Variants in RUNDC3B observed in about 807,000 individuals in gnomAD.
The protein encoded by RUNDC3B is RUN domain containing 3B, also known as RUN domain-containing protein 3B.
In RUNDC3B, 33 loss-of-function variants were observed where a neutral mutation model predicts 58.4. The observed-to-expected ratio is 0.56, with a 90% CI of 0.43 to 0.75. The LOEUF (loss-of-function observed/expected upper bound fraction) is 0.75, where lower values mean the gene tolerates loss of function less well. Ranked by LOEUF, RUNDC3B falls within the 30% of genes least tolerant of loss-of-function variation. The pLI is 0.00. For synonymous variants in RUNDC3B, 193 were observed against 195.2 expected, an observed-to-expected ratio of 0.99 and a Z score of 0.10; for missense variants, 501 against 535.7, an observed-to-expected ratio of 0.94 and a Z score of 0.64.
At chr7:87,675,788 C>G (rs1485255439) in intron 2 of RUNDC3B, among the ~76,000 whole-genome samples, 1 of 151,524 alleles carries the variant, frequency 6.6e-6, no homozygotes, top group Non-Finnish European at 1.5e-5. Context: ...AACATAAGAC[C>G]TGAAACTGTA....
At chr7:87,658,323 A>C (rs940584243) in intron 2 of RUNDC3B, among the ~76,000 whole-genome samples, 2 of 152,194 alleles carry the variant, frequency 1.3e-5, no homozygotes, top group Non-Finnish European at 2.9e-5. Context: ...ACTGAAAGAC[A>C]AAACAATAGA....
chr7:87,808,702 G>T (rs1406356009), intron 9 of RUNDC3B, among the ~76,000 whole-genome samples: 2 of 151,984 alleles, frequency 1.3e-5, no homozygotes, highest in African/African-American at 4.8e-5. Context: ...TTGGGATCTA[G>T]TTCCCTTATA....
At chr7:87,670,571 T>C (rs999012736) in intron 2 of RUNDC3B, among the ~76,000 whole-genome samples, 1 of 152,228 alleles carries the variant, frequency 6.6e-6, no homozygotes, top group Non-Finnish European at 1.5e-5. Flanking sequence ...TTACTGGAGC[T>C]CTTGCATTGG....
At chr7:87,714,774 C>T (rs527498575) in intron 4 of RUNDC3B, among the ~76,000 whole-genome samples, 46 of 152,092 alleles carry the variant, frequency 3.0e-4, no homozygotes, top group South Asian at 1.2e-3. Flanking sequence ...GGCACCCCCC[C>T]GCCCCATGCA....
At chr7:87,741,385 A>G (rs999131507) in intron 5 of RUNDC3B, 114 bp from the exon 6 acceptor site, 3 of 568,614 alleles carry the variant, frequency 5.3e-6, no homozygotes. Flanking sequence ...AAACAAAAAA[A>G]TTCGCTTGCC....
chr7:87,684,730 G>C (rs1338067391), intron 2 of RUNDC3B, among the ~76,000 whole-genome samples: 1 of 111,438 alleles, frequency 9.0e-6, no homozygotes, highest in Non-Finnish European at 1.7e-5. Flanking sequence ...CCTGGTGACA[G>C]AGTGAGACTC....
intron 9 of RUNDC3B, among the ~76,000 whole-genome samples, chr7:87,814,347 G>A (rs1353126520): frequency 3.3e-5 from 5 of 152,104 alleles, no homozygotes; most frequent in Non-Finnish European, 7.4e-5. Flanking sequence ...TGATCCGCCC[G>A]CCTTGGCCTC....
chr7:87,749,815 A>G (rs948616357), intron 6 of RUNDC3B, among the ~76,000 whole-genome samples: 13 of 152,084 alleles, frequency 8.5e-5, no homozygotes, highest in Non-Finnish European at 1.9e-4. Flanking sequence ...ATTTTGATGG[A>G]TGGCTTTTCA....
chr7:87,829,808 T>C (rs772366619), intron 10 of RUNDC3B, 77 bp from the exon 11 acceptor site: 8 of 1,092,480 alleles, frequency 7.3e-6, no homozygotes, highest in Non-Finnish European at 9.2e-6. Context: ...TTCTTCCAAT[T>C]TCTAATGGTT....
rs1838128212 is a variant in RUNDC3B at position 87,831,525 on chromosome 7, A to G, written c.*1495A>G. On this transcript the variant is annotated 3_prime_UTR_variant, in exon 11 of 11. Coordinates refer to ENST00000394654, the MANE Select transcript of RUNDC3B (RefSeq NM_001134405.2). ...TAAGTTATCTTAGATGTGCCAGAACATATTCAGAGCTTTATTCCTTTAAGC... is the reference window on the plus strand; with the variant it reads ...TAAGTTATCTTAGATGTGCCAGAACGTATTCAGAGCTTTATTCCTTTAAGC... The G allele has an allele frequency of 6.6e-6, 1 of 151,996 alleles. No homozygotes were observed. Among genetic ancestry groups the G allele is most frequent in the African/African-American group, 2.4e-5 (1 of 41,436 alleles). 9.4% of individuals were successfully genotyped at this position (151,996 alleles called of 1,614,324 possible).
At chr7:87,753,343 A>G (rs1163531604) in intron 6 of RUNDC3B, among the ~76,000 whole-genome samples, 1 of 151,878 alleles carries the variant, frequency 6.6e-6, no homozygotes, top group Non-Finnish European at 1.5e-5. Flanking sequence ...AAAAAAATGT[A>G]TATTCTGTTG....
intron 2 of RUNDC3B, among the ~76,000 whole-genome samples, chr7:87,687,727 C>T (rs1477298546): frequency 2.0e-5 from 3 of 152,124 alleles, no homozygotes; most frequent in Admixed American, 6.5e-5. Context: ...TGTGACTTGA[C>T]ATTTTAGAAT....
At chr7:87,655,675 GAT>G (rs1824028065) in intron 2 of RUNDC3B, among the ~76,000 whole-genome samples, 1 of 152,078 alleles carries the variant, frequency 6.6e-6, no homozygotes, top group African/African-American at 2.4e-5. Context: ...AAGTGTATTG[GAT>G]ATTTGAAAAT....
At chr7:87,683,917 C>A (rs1480887332) in intron 2 of RUNDC3B, among the ~76,000 whole-genome samples, 1 of 152,144 alleles carries the variant, frequency 6.6e-6, no homozygotes, top group Non-Finnish European at 1.5e-5. Flanking sequence ...TACCAGTACA[C>A]CTCATGGACA....
intron 10 of RUNDC3B, among the ~76,000 whole-genome samples, chr7:87,817,544 T>G (rs1837123181): frequency 6.6e-6 from 1 of 152,230 alleles, no homozygotes; most frequent in Admixed American, 6.5e-5. Flanking sequence ...TTCTTCAGGC[T>G]GGTTCCTGCC....
chr7:87,657,131 G>A lies in RUNDC3B; in HGVS notation c.238+6194G>A, dbSNP rs554435586. Among the ~76,000 whole-genome samples the A allele has an allele frequency of 6.0e-4, 91 of 152,226 alleles. 1 individual carries two copies. The highest frequency in any genetic ancestry group is 2.2e-3 in the African/African-American group (90 of 41,552). On this transcript the variant is annotated intron_variant, in intron 2 of 10. Coordinates refer to ENST00000394654, the MANE Select transcript of RUNDC3B (RefSeq NM_001134405.2). ...CATAAAACAAACATAAGAAGACTCT[G>A]AAAGGTAGCGAGTAGAAGAAAGACT...
chr7:87,667,441 G>A (rs1211513746), intron 2 of RUNDC3B, among the ~76,000 whole-genome samples: 1 of 152,024 alleles, frequency 6.6e-6, no homozygotes, highest in African/African-American at 2.4e-5. Flanking sequence ...TGCAAACAGG[G>A]ATAGTTTAAC....
chr7:87,719,843 A>T (rs1262307221), intron 4 of RUNDC3B, among the ~76,000 whole-genome samples: 1 of 151,714 alleles, frequency 6.6e-6, no homozygotes, highest in African/African-American at 2.4e-5. Flanking sequence ...TAAATGTAGT[A>T]TTTACTTTTT....
intron 6 of RUNDC3B, among the ~76,000 whole-genome samples, chr7:87,746,812 T>C (rs1265246437): frequency 2.0e-5 from 3 of 152,248 alleles, no homozygotes; most frequent in African/African-American, 7.2e-5. Flanking sequence ...TTACATTCAA[T>C]GTCAGTATTG....
Sources: gnomAD v4.1 joint callset for allele counts (sites outside exome capture counted in the v4.1 genomes callset) on GRCh38, gnomAD v4.1.1 for gene constraint, MANE v1.5 for transcripts, NCBI Gene and HGNC (gene_info 2026-07-23, HGNC 2026-07-21) for gene names.